Variants in USP32 observed in about 807,000 individuals in gnomAD.
USP32 encodes ubiquitin specific peptidase 32.
Under a neutral mutation model 204.8 loss-of-function variants are expected in USP32, and 59 were observed. The ratio of observed to expected loss-of-function variants is 0.29; its 90% CI spans 0.23 to 0.36. The LOEUF is 0.36. Among genes scored for constraint, USP32 ranks in the 10% least tolerant of loss-of-function variants. The pLI is 1.00. For missense variants in USP32, 1,160 were observed against 1,946.4 expected, an observed-to-expected ratio of 0.60 and a Z score of 7.60; for synonymous variants, 517 against 678.4, an observed-to-expected ratio of 0.76 and a Z score of 3.70.
chr17:60,375,963 G>A (rs1018584221), intron 1 of USP32, among the ~76,000 whole-genome samples: 4 of 152,116 alleles, frequency 2.6e-5, no homozygotes, highest in Admixed American at 2.0e-4. Context: ...ATCTTCCTAT[G>A]TGTGTAATCA....
intron 12 of USP32, among the ~76,000 whole-genome samples, chr17:60,232,162 CTTTT>C (rs1362940935): frequency 1.5e-5 from 2 of 130,574 alleles, no homozygotes; most frequent in African/African-American, 3.1e-5. Flanking sequence ...CACTAATTTT[CTTTT>C]TCTTTTTTTT....
chr17:60,263,345 G>A (rs1381594579), intron 9 of USP32, among the ~76,000 whole-genome samples: 2 of 152,134 alleles, frequency 1.3e-5, no homozygotes, highest in Non-Finnish European at 2.9e-5. Context: ...CCACTACAGA[G>A]TATCATTAAA....
intron 1 of USP32, among the ~76,000 whole-genome samples, chr17:60,352,302 A>G (rs565363763): frequency 6.6e-6 from 1 of 152,274 alleles, no homozygotes; most frequent in Admixed American, 6.5e-5. Flanking sequence ...ACTTAGATAT[A>G]CAATGGCTGC....
intron 12 of USP32, chr17:60,231,566 G>A (rs781306666): frequency 3.9e-6 from 2 of 518,202 alleles, no homozygotes; most frequent in South Asian, 2.8e-5. Flanking sequence ...CAGTCCTGAC[G>A]ACGATCCTCG....
chr17:60,222,665 T>C (rs2085281948), intron 14 of USP32, 116 bp from the exon 15 acceptor site: 1 of 932,322 alleles, frequency 1.1e-6, no homozygotes, highest in Admixed American at 2.6e-5. Context: ...TTCATGTTGC[T>C]GGAAAAACTT....
intron 1 of USP32, among the ~76,000 whole-genome samples, chr17:60,418,879 G>A (rs1262253986): frequency 6.6e-6 from 1 of 152,172 alleles, no homozygotes; most frequent in African/African-American, 2.4e-5. Context: ...TGCTGGCAAG[G>A]TTGCAGAGAA....
At chr17:60,301,769 A>G in intron 2 of USP32, 65 bp from the exon 3 acceptor site, 1 of 1,170,160 alleles carries the variant, frequency 8.5e-7, no homozygotes. Flanking sequence ...TGAGGCAGCT[A>G]TCATCTTTAA....
chr17:60,403,818 T>C (rs182647838), intron 1 of USP32, among the ~76,000 whole-genome samples: 23 of 152,118 alleles, frequency 1.5e-4, no homozygotes, highest in African/African-American at 5.3e-4. Context: ...GGCGGGAGTA[T>C]TGATTGAGCC....
intron 10 of USP32, 88 bp downstream of exon 10, chr17:60,255,087 T>A: frequency 1.2e-6 from 1 of 860,286 alleles, no homozygotes; most frequent in Non-Finnish European, 1.8e-6. Context: ...GCAGCCTAGA[T>A]ACAACAACTC....
At chr17:60,359,775 T>C (rs533849106) in intron 1 of USP32, among the ~76,000 whole-genome samples, 3 of 152,126 alleles carry the variant, frequency 2.0e-5, no homozygotes, top group South Asian at 2.1e-4. Context: ...TGAACCACTA[T>C]ACTCCAGCAT....
rs201924371 is a variant in USP32, at chr17:60,222,447, A to G, written c.1711T>C (p.Tyr571His). The G allele has an allele frequency of 4.3e-5, 70 of 1,614,138 alleles. 1 individual carries two copies. In the East Asian group the frequency reaches 1.5e-3, roughly 35 times the overall value. The change falls in exon 15 of 34, where the codon TAT (tyrosine) becomes CAT (histidine). Residue 571 changes from tyrosine to histidine, a missense_variant. Tyr to His is a moderately conservative substitution (Grantham distance 83). Transcript: ENST00000300896. Reference sequence around the variant, plus strand: ...GCCAGGTTTGCTCCATACCAGTGATAAAGTGCTCTCCACACAGGTTCTGGG... The same window carrying G: ...GCCAGGTTTGCTCCATACCAGTGATGAAGTGCTCTCCACACAGGTTCTGGG... The part of the protein sequence containing the change: ...MVPEPVWRAL[Y>H]HWYGANLALP...
intron 1 of USP32, among the ~76,000 whole-genome samples, chr17:60,385,745 C>T (rs1454591269): frequency 1.4e-5 from 2 of 147,218 alleles, no homozygotes; most frequent in Admixed American, 6.9e-5. Context: ...GGAAGGCTGA[C>T]GCATGAGAAT....
intron 15 of USP32, 62 bp downstream of exon 15, chr17:60,222,347 A>G (rs2085273903): frequency 6.4e-7 from 1 of 1,558,260 alleles, no homozygotes; most frequent in Non-Finnish European, 8.7e-7. Context: ...CACATAGAAA[A>G]AGTAACAGAA....
intron 31 of USP32, 49 bp from the exon 32 acceptor site, chr17:60,181,797 T>C: frequency 6.4e-7 from 1 of 1,571,604 alleles, no homozygotes; most frequent in Non-Finnish European, 8.6e-7. Flanking sequence ...TGCCACAAAG[T>C]AAGCCAGCCC....
chr17:60,236,251 A>G lies in USP32; in HGVS notation c.1137-11T>C, dbSNP rs185485758. ...CGTTCTAACCATCCTCTGTATGTAC[A>G]AAAGAAATTAAATACATCAAACAAA... On this transcript the variant is annotated splice_polypyrimidine_tract_variant and intron_variant, in intron 11 of 33. Transcript: ENST00000300896. The G allele has an allele frequency of 2.4e-4, 388 of 1,604,300 alleles. 1 individual carries two copies. The African/African-American group carries it at 4.7e-3, about 20-fold the overall frequency.
chr17:60,254,252 T>C (rs1252160468), intron 10 of USP32, among the ~76,000 whole-genome samples: 13 of 152,298 alleles, frequency 8.5e-5, no homozygotes. Flanking sequence ...ACTAGGACAA[T>C]AGTTAAAATT....
intron 3 of USP32, among the ~76,000 whole-genome samples, chr17:60,297,258 G>A (rs1043971073): frequency 1.3e-5 from 2 of 151,984 alleles, no homozygotes; most frequent in Admixed American, 6.6e-5. Flanking sequence ...AATTAGCTGG[G>A]CATTGTGGTA....
At position 60,260,644 on chromosome 17, in the gene USP32, C is replaced by T. The variant is rs182592339; in HGVS notation, c.990+4768G>A. 2.1e-4 allele frequency among the ~76,000 whole-genome samples: 32 copies of T among 151,046 alleles called. No individual in the cohort carries two copies. In the East Asian group the frequency reaches 6.0e-3, roughly 29 times the overall value. On this transcript the variant is annotated intron_variant, in intron 9 of 33. Coordinates refer to ENST00000300896, the MANE Select transcript of USP32 (RefSeq NM_032582.4). ...TAGCATATGAAAGATGCTTAGTAAA[C>T]ATTTTACTAAGTTTATGAAGTAAAC...
chr17:60,298,175 A>C (rs143554831), intron 3 of USP32, among the ~76,000 whole-genome samples: 34 of 152,350 alleles, frequency 2.2e-4, no homozygotes, highest in African/African-American at 7.9e-4. Context: ...CACATATAAC[A>C]GTATGCATGT....
Sources: gnomAD v4.1 joint callset for allele counts (sites outside exome capture counted in the v4.1 genomes callset) on GRCh38, gnomAD v4.1.1 for gene constraint, MANE v1.5 for transcripts, NCBI Gene and HGNC (gene_info 2026-07-23, HGNC 2026-07-21) for gene names.